The following NYAP2 variants were observed in gnomAD, a reference collection of about 807,000 sequenced individuals.
NYAP2 encodes the protein neuronal tyrosine-phosphorylated phosphoinositide-3-kinase adapter 2.
A neutral mutation model predicts 50.4 loss-of-function variants in NYAP2; 23 were observed. That is an observed-to-expected ratio of 0.46 (90% CI 0.33 to 0.65). The LOEUF (loss-of-function observed/expected upper bound fraction) is 0.65. Among genes scored for constraint, NYAP2 ranks in the 30% least tolerant of loss-of-function variants. NYAP2 has a pLI of 0.02. For missense variants in NYAP2, 885 were observed against 861.0 expected (o/e 1.03, Z -0.35); for synonymous variants, 394 against 365.2 (o/e 1.08, Z -0.90).
the NYAP2 span, among the ~76,000 whole-genome samples, chr2:225,676,574 T>C: frequency 6.6e-6 from 1 of 152,108 alleles, no homozygotes; most frequent in East Asian, 1.9e-4. Flanking sequence ...CTTACATGGA[T>C]GGCAGCAAGC....
intron 5 of NYAP2, among the ~76,000 whole-genome samples, chr2:225,622,550 T>TTTCTTTCTTTCTTTCC: frequency 3.2e-5 from 1 of 31,530 alleles, no homozygotes; most frequent in African/African-American, 1.2e-4. Context: ...TCTTTCTTTC[T>TTTCTTTCTTTCTTTCC]TTCTTTCTTT....
chr2:225,568,513 C>A (rs1574682869), intron 4 of NYAP2, among the ~76,000 whole-genome samples: 1 of 152,198 alleles, frequency 6.6e-6, no homozygotes, highest in East Asian at 1.9e-4. Flanking sequence ...ACAAAATACC[C>A]CAAATTCTGA....
At chr2:225,426,595 A>G (rs1395668963) in intron 3 of NYAP2, among the ~76,000 whole-genome samples, 2 of 152,190 alleles carry the variant, frequency 1.3e-5, no homozygotes, top group African/African-American at 4.8e-5. Flanking sequence ...GGAAGTGCTT[A>G]CTCAACCCTT....
At chr2:225,433,512 T>TA (rs201096904) in intron 3 of NYAP2, among the ~76,000 whole-genome samples, 2,536 of 151,792 alleles carry the variant, frequency 0.017, 58 homozygotes, top group African/African-American at 0.058. Context: ...AGGGCAAATT[T>TA]AAAAAAAAAT....
At chr2:225,663,096 G>T in the NYAP2 span, among the ~76,000 whole-genome samples, 1 of 152,116 alleles carries the variant, frequency 6.6e-6, no homozygotes, top group Non-Finnish European at 1.5e-5. Context: ...GAGCAAAAAA[G>T]TACAAAGCAC....
intron 3 of NYAP2, among the ~76,000 whole-genome samples, chr2:225,483,027 G>T (rs1359578440): frequency 6.6e-6 from 1 of 152,140 alleles, no homozygotes; most frequent in Non-Finnish European, 1.5e-5. Context: ...TTGCTATAGT[G>T]CACCTGTTTG....
At chr2:225,499,238 T>G (rs914368251) in intron 3 of NYAP2, among the ~76,000 whole-genome samples, 1 of 151,228 alleles carries the variant, frequency 6.6e-6, no homozygotes, top group Non-Finnish European at 1.5e-5. Context: ...CTAAAAGAGA[T>G]AAAATGGCTC....
At chr2:225,414,972 G>T (rs1695100717) in intron 3 of NYAP2, among the ~76,000 whole-genome samples, 1 of 152,050 alleles carries the variant, frequency 6.6e-6, no homozygotes, top group East Asian at 1.9e-4. Context: ...GTAAGGGTAG[G>T]ATTTTTTTTT....
At chr2:225,501,537 A>G (rs1456817019) in intron 3 of NYAP2, among the ~76,000 whole-genome samples, 2 of 152,192 alleles carry the variant, frequency 1.3e-5, no homozygotes, top group African/African-American at 4.8e-5. Context: ...TCACAAAACT[A>G]GTTTGTAATA....
At chr2:225,444,506 A>T (rs1689521374) in intron 3 of NYAP2, among the ~76,000 whole-genome samples, 1 of 152,200 alleles carries the variant, frequency 6.6e-6, no homozygotes, top group Non-Finnish European at 1.5e-5. Flanking sequence ...ATACACACAC[A>T]TTCACACCAC....
intron 3 of NYAP2, among the ~76,000 whole-genome samples, chr2:225,436,984 T>C (rs1006469000): frequency 2.0e-5 from 3 of 151,866 alleles, no homozygotes; most frequent in Admixed American, 6.6e-5. Context: ...TGAGTAGCCA[T>C]AGAAGTCACC....
At chr2:225,584,902 A>G (rs1308827080) in intron 5 of NYAP2, among the ~76,000 whole-genome samples, 11 of 152,264 alleles carry the variant, frequency 7.2e-5, no homozygotes, top group Non-Finnish European at 1.5e-4. Context: ...GCAGTTGTCA[A>G]CTAGGGCAAT....
At chr2:225,598,998 C>G (rs1692653488) in intron 5 of NYAP2, among the ~76,000 whole-genome samples, 1 of 152,190 alleles carries the variant, frequency 6.6e-6, no homozygotes, top group South Asian at 2.1e-4. Flanking sequence ...AGCTCATAAT[C>G]TGTGTTGGTG....
At chr2:225,434,569 G>T (rs1259418847) in intron 3 of NYAP2, among the ~76,000 whole-genome samples, 2 of 152,138 alleles carry the variant, frequency 1.3e-5, no homozygotes, top group East Asian at 3.9e-4. Context: ...TGTTATTAGT[G>T]GGCACTGGAA....
At chr2:225,603,201 T>G (rs977757068) in intron 5 of NYAP2, among the ~76,000 whole-genome samples, 1 of 152,188 alleles carries the variant, frequency 6.6e-6, no homozygotes, top group East Asian at 1.9e-4. Flanking sequence ...TATATAAACA[T>G]TTAATCATGT....
At chr2:225,458,039 C>A (rs1209253788) in intron 3 of NYAP2, among the ~76,000 whole-genome samples, 1 of 151,754 alleles carries the variant, frequency 6.6e-6, no homozygotes, top group Non-Finnish European at 1.5e-5. Flanking sequence ...TACAGCTTAA[C>A]TAATTTCCAC....
At chr2:225,589,182 C>T (rs1389375124) in intron 5 of NYAP2, among the ~76,000 whole-genome samples, 2 of 151,930 alleles carry the variant, frequency 1.3e-5, no homozygotes, top group Non-Finnish European at 2.9e-5. Flanking sequence ...TGACCTGCAA[C>T]ATAGAGACTG....
At chr2:225,618,116 G>C (rs983386495) in intron 5 of NYAP2, among the ~76,000 whole-genome samples, 1 of 152,150 alleles carries the variant, frequency 6.6e-6, no homozygotes, top group Non-Finnish European at 1.5e-5. Context: ...TACCCTGTTT[G>C]CTTAGGTTGC....
At chr2:225,689,334 T>C in the NYAP2 span, among the ~76,000 whole-genome samples, 1 of 152,216 alleles carries the variant, frequency 6.6e-6, no homozygotes, top group Non-Finnish European at 1.5e-5. Flanking sequence ...TTAAATCTTC[T>C]TGATGAGTGA....
Sources: allele counts gnomAD v4.1 joint callset (sites outside exome capture counted in the v4.1 genomes callset), GRCh38; gene constraint gnomAD v4.1.1; transcripts MANE v1.5; gene names NCBI Gene and HGNC (gene_info 2026-07-23, HGNC 2026-07-21).